The following KMT5A variants were observed in gnomAD, a reference collection of about 807,000 sequenced individuals.
KMT5A encodes the protein N-lysine methyltransferase KMT5A.
A neutral mutation model predicts 40.6 loss-of-function variants in KMT5A; 6 were observed. The ratio of observed to expected loss-of-function variants is 0.15; its 90% CI spans 0.08 to 0.29. The LOEUF is 0.29. KMT5A is among the 10% of genes least tolerant of loss of function. KMT5A has a pLI of 1.00. For missense variants in KMT5A, 308 were observed against 459.1 expected (o/e 0.67, Z 3.01); for synonymous variants, 153 against 178.8 (o/e 0.86, Z 1.15).
At chr12:123,385,622 C>T (rs947037216) in intron 1 of KMT5A, among the ~76,000 whole-genome samples, 1 of 152,062 alleles carries the variant, frequency 6.6e-6, no homozygotes, top group Non-Finnish European at 1.5e-5. Context: ...GAGGCCAAGG[C>T]GGGCAGATCA....
In KMT5A at chr12:123,397,684, G is replaced by C. The variant is rs1479242104; in HGVS notation, c.597+1252G>C. ...GTCACTTTTTTTTTTTTTTTTTTTT[G>C]AGATGGAGTTTTGCTCTTGTTGCCC... On this transcript the variant is annotated intron_variant, in intron 5 of 7. Transcript: ENST00000402868. 6.3e-5 allele frequency among the ~76,000 whole-genome samples: 4 copies of C among 63,854 alleles called. No individual in the cohort carries two copies. The East Asian group carries it at 2.0e-3, about 32-fold the overall frequency. 41.9% of individuals were successfully genotyped at this position (63,854 alleles called of 152,430 possible). A position where few individuals can be genotyped will look rare whatever the true frequency, so the allele number is the denominator to read the frequency against.
Position 123,409,302 on chromosome 12 carries a change from ATTAT to A in KMT5A, c.*1602_*1605del, listed in dbSNP as rs1248034059. On this transcript the variant is annotated 3_prime_UTR_variant, in exon 8 of 8. Coordinates refer to ENST00000402868, the MANE Select transcript of KMT5A (RefSeq NM_020382.7). ...TTTAAACAAGGAAATAAACTTGAAA[ATTAT>A]TTGTCATCATAAAAATGAAACAAAT... 2.6e-5 allele frequency: 4 copies of A among 152,632 alleles called. No individual in the cohort carries two copies. The highest frequency in any genetic ancestry group is 1.9e-4 in the East Asian group (1 of 5,202). 9.5% of individuals were successfully genotyped at this position (152,632 alleles called of 1,614,324 possible).
Position 123,396,334 on chromosome 12 carries a change from C to G in KMT5A, c.510-11C>G, listed in dbSNP as rs1877723145. The G allele has an allele frequency of 6.2e-7, 1 of 1,612,180 alleles. No individual in the cohort carries two copies. Among genetic ancestry groups the G allele is most frequent in the African/African-American group, 1.3e-5 (1 of 74,856 alleles). ...CTGATATTTATTTTCTCCTCTTCCC[C>G]TCTTACCCAGAGCTCAAGGAAAAAC... is the stretch of plus-strand genomic sequence containing the variant. On this transcript the variant is annotated splice_polypyrimidine_tract_variant and intron_variant, in intron 4 of 7. Transcript: ENST00000402868.
intron 7 of KMT5A, among the ~76,000 whole-genome samples, chr12:123,406,272 C>T (rs181813221): frequency 1.3e-5 from 2 of 152,202 alleles, no homozygotes; most frequent in Admixed American, 6.5e-5. Context: ...ACTAATTGAT[C>T]TTGCCTGGCT....
At chr12:123,390,079 T>G (rs1431766424) in intron 2 of KMT5A, 2 of 468,808 alleles carry the variant, frequency 4.3e-6, no homozygotes. Flanking sequence ...CTTCCCAGAT[T>G]CCCCAGTCAC....
At chr12:123,385,410 T>G (rs1876814862) in intron 1 of KMT5A, among the ~76,000 whole-genome samples, 2 of 152,246 alleles carry the variant, frequency 1.3e-5, no homozygotes, top group Non-Finnish European at 2.9e-5. Flanking sequence ...GACTAATTTA[T>G]CTGACAAATT....
chr12:123,393,364 C>T (rs1877454468), intron 3 of KMT5A, among the ~76,000 whole-genome samples: 1 of 152,104 alleles, frequency 6.6e-6, no homozygotes, highest in African/African-American at 2.4e-5. Context: ...CCTTCGATTC[C>T]CCATCCCTCT....
At chr12:123,406,924 C>T (rs770606402) in intron 7 of KMT5A, among the ~76,000 whole-genome samples, 1 of 146,988 alleles carries the variant, frequency 6.8e-6, no homozygotes, top group Non-Finnish European at 1.5e-5. Flanking sequence ...GAGGCTGAGG[C>T]AGAATTGCCT....
rs1212233128 is a variant in KMT5A, at chr12:123,407,947, T to C, written c.*244T>C. The C allele has an allele frequency of 1.0e-5, 5 of 499,372 alleles. No individual in the cohort carries two copies. Among genetic ancestry groups the C allele is most frequent in the Middle Eastern group, 5.5e-4 (1 of 1,826 alleles). 30.9% of individuals were successfully genotyped at this position (499,372 alleles called of 1,614,324 possible). A position where few individuals can be genotyped will look rare whatever the true frequency, so the allele number is the denominator to read the frequency against. On this transcript the variant is annotated 3_prime_UTR_variant, in exon 8 of 8. Coordinates refer to ENST00000402868, the MANE Select transcript of KMT5A (RefSeq NM_020382.7). ...TTATATTCTAGTTGTTTTTGTACTT[T>C]TTTTGCATACAAGCCGAACGTTTGT...
intron 1 of KMT5A, among the ~76,000 whole-genome samples, chr12:123,385,292 GTAAACTTCAGGT>G (rs1449408097): frequency 6.6e-6 from 1 of 152,076 alleles, no homozygotes; most frequent in African/African-American, 2.4e-5. Context: ...ATGAGGCATA[GTAAACTTCAGGT>G]TAAAGAGCTT....
At chr12:123,389,972 C>T (rs1877166349) in intron 2 of KMT5A, 2 of 445,704 alleles carry the variant, frequency 4.5e-6, no homozygotes, top group African/African-American at 2.0e-5. Flanking sequence ...CCGCAGTGAC[C>T]TGAACCGCCC....
intron 1 of KMT5A, among the ~76,000 whole-genome samples, chr12:123,386,706 C>T (rs892441577): frequency 9.2e-5 from 14 of 152,056 alleles, no homozygotes; most frequent in Non-Finnish European, 2.1e-4. Flanking sequence ...ATTTACAACC[C>T]CAATATATTA....
intron 5 of KMT5A, among the ~76,000 whole-genome samples, chr12:123,400,403 C>T (rs1395592769): frequency 6.6e-6 from 1 of 150,840 alleles, no homozygotes; most frequent in Non-Finnish European, 1.5e-5. Context: ...CTCTGTAGCC[C>T]GCGCTGGAGT....
chr12:123,408,612 G>C lies in KMT5A; in HGVS notation c.*909G>C, dbSNP rs1370616763. Reference sequence around the variant, plus strand: ...GCTTTTTTTTGCTTTTTGTAGAAGAGATTGAGAATGGTACTCTAATCAAAA... The same window carrying C: ...GCTTTTTTTTGCTTTTTGTAGAAGACATTGAGAATGGTACTCTAATCAAAA... On this transcript the variant is annotated 3_prime_UTR_variant, in exon 8 of 8. Coordinates refer to ENST00000402868, the MANE Select transcript of KMT5A (RefSeq NM_020382.7). 6 of 132,918 alleles carry C rather than the reference G, an allele frequency of 4.5e-5. No individual in the cohort carries two copies. Among genetic ancestry groups the C allele is most frequent in the Admixed American group, 2.5e-4 (3 of 11,894 alleles). 8.2% of individuals were successfully genotyped at this position (132,918 alleles called of 1,614,324 possible).
At chr12:123,387,632 T>C (rs183969010) in intron 1 of KMT5A, among the ~76,000 whole-genome samples, 29 of 152,308 alleles carry the variant, frequency 1.9e-4, no homozygotes, top group African/African-American at 6.5e-4. Context: ...AGACCCTGCC[T>C]TGAAGGATGC....
rs141698362 is a variant in KMT5A at position 123,384,342 on chromosome 12, G to A, written c.10+134G>A. On this transcript the variant is annotated intron_variant, in intron 1 of 7. Transcript: ENST00000402868. This position sits in a 1 kb window ranked among gnomAD's most constrained non-coding sequence, Gnocchi z 5.7. ...GGGGCAAGCTTGGGGACCCGCGTGG[G>A]GGGAGAGGGGGTGCTGCTGCGGAAC... The A allele has an allele frequency of 2.4e-6, 3 of 1,238,578 alleles. No homozygotes were observed. Among genetic ancestry groups the A allele is most frequent in the Non-Finnish European group, 3.4e-6 (3 of 887,288 alleles). The allele number at this position is 1,238,578 out of a possible 1,614,324, so 76.7% of individuals were successfully genotyped here.
intron 1 of KMT5A, 124 bp from the exon 2 acceptor site, chr12:123,389,309 G>C (rs1306608058): frequency 1.7e-6 from 1 of 572,446 alleles, no homozygotes; most frequent in African/African-American, 2.1e-5. Flanking sequence ...CACCAGAGCC[G>C]GGGCCTCGAA....
rs1258741782 is a variant in KMT5A at position 123,384,748 on chromosome 12, C to G, written c.10+540C>G. Among the ~76,000 whole-genome samples, 1 of 152,238 alleles carries G rather than the reference C, an allele frequency of 6.6e-6. No homozygotes were observed. The highest frequency in any genetic ancestry group is 1.5e-5 in the Non-Finnish European group (1 of 68,038). On this transcript the variant is annotated intron_variant, in intron 1 of 7. Transcript: ENST00000402868. This position sits in a 1 kb window ranked among gnomAD's most constrained non-coding sequence, Gnocchi z 5.7. ...CGCCGCTGGAGCGAAGGCCGGGCCC[C>G]GCTGGCCCACTTTGGGGTAAAACGG...
In KMT5A at chr12:123,408,247, C is replaced by T. The variant is rs1167381968; in HGVS notation, c.*544C>T. 2.6e-5 allele frequency: 4 copies of T among 152,858 alleles called. No individual in the cohort carries two copies. In the Admixed American group the frequency reaches 2.6e-4, roughly 10 times the overall value. The allele number at this position is 152,858 out of a possible 1,614,324, so 9.5% of individuals were successfully genotyped here. ...GGTTTTTGCAGTAAGCTAGTCTTCC[C>T]CTCTGCTTTCTCGAAAGCTTACTGA... is the stretch of plus-strand genomic sequence containing the variant. On this transcript the variant is annotated 3_prime_UTR_variant, in exon 8 of 8. Transcript: ENST00000402868.
Sources: allele counts gnomAD v4.1 joint callset (sites outside exome capture counted in the v4.1 genomes callset), GRCh38; gene constraint gnomAD v4.1.1; non-coding constraint Gnocchi (gnomAD v3.1); transcripts MANE v1.5; gene names NCBI Gene and HGNC (gene_info 2026-07-23, HGNC 2026-07-21).